MTMR3: variants seen among roughly 807,000 people sequenced by gnomAD.
MTMR3 encodes phosphatidylinositol-3,5-bisphosphate 3-phosphatase MTMR3.
Under a neutral mutation model 132.4 loss-of-function variants are expected in MTMR3, and 32 were observed. The ratio of observed to expected loss-of-function variants is 0.24; its 90% CI spans 0.18 to 0.32. The LOEUF (loss-of-function observed/expected upper bound fraction) is 0.32, where lower values mean the gene tolerates loss of function less well. Ranked by LOEUF, MTMR3 falls within the 10% of genes least tolerant of loss-of-function variation. MTMR3 has a pLI of 1.00. For synonymous variants in MTMR3, 556 were observed against 550.3 expected (o/e 1.01, Z -0.14); for missense variants, 1,216 against 1,489.6 (o/e 0.82, Z 3.02).
At chr22:30,003,710 A>G (rs2067220636) in intron 9 of MTMR3, 1 of 152,222 alleles carries the variant, frequency 6.6e-6, no homozygotes, top group African/African-American at 2.4e-5. Context: ...GAGGGGCTAT[A>G]AACACTGAGC....
At position 29,970,961 on chromosome 22, in the gene MTMR3, C is replaced by A; in HGVS notation, c.-84-15C>A. 27 of 280,160 alleles carry A rather than the reference C, an allele frequency of 9.6e-5. No individual in the cohort carries two copies. Among genetic ancestry groups the A allele is most frequent in the Non-Finnish European group, 1.5e-4 (21 of 137,384 alleles). 17.4% of individuals were successfully genotyped at this position (280,160 alleles called of 1,614,324 possible). On this transcript the variant is annotated splice_polypyrimidine_tract_variant and intron_variant, in intron 2 of 19. Coordinates refer to ENST00000401950, the MANE Select transcript of MTMR3 (RefSeq NM_021090.4). ...TTTTTTTTTTCTTCTTCCCCCTCTT[C>A]CCCCCCACCCCCAGACTTCACCATA...
chr22:29,972,646 C>T lies in MTMR3; in HGVS notation c.3+1584C>T, dbSNP rs529810484. 2.0e-5 allele frequency among the ~76,000 whole-genome samples: 3 copies of T among 152,324 alleles called. No homozygotes were observed. The East Asian group carries it at 5.8e-4, about 29-fold the overall frequency. ...AGTGCAGTGGTGCGATCTCGGCTCA[C>T]TGCAACCTCCACCTACTGGGTTCAA... On this transcript the variant is annotated intron_variant, in intron 3 of 19. Transcript: ENST00000401950.
At chr22:29,941,520 C>T (rs892643914) in intron 1 of MTMR3, among the ~76,000 whole-genome samples, 5 of 151,890 alleles carry the variant, frequency 3.3e-5, no homozygotes, top group East Asian at 2.0e-4. Flanking sequence ...TTACACTTTA[C>T]GAGCCGTGTA....
intron 12 of MTMR3, 112 bp downstream of exon 12, chr22:30,009,241 T>TC: frequency 1.4e-6 from 1 of 727,786 alleles, no homozygotes; most frequent in South Asian, 1.8e-5. Context: ...GAGCAGTCTT[T>TC]CCTTCTGTTT....
At chr22:29,928,369 A>C (rs967347302) in intron 1 of MTMR3, among the ~76,000 whole-genome samples, 1 of 151,678 alleles carries the variant, frequency 6.6e-6, no homozygotes, top group African/African-American at 2.4e-5. Flanking sequence ...ACGGGGTTTC[A>C]TCATATTGGC....
At chr22:29,913,681 T>C (rs1373371042) in intron 1 of MTMR3, among the ~76,000 whole-genome samples, 7 of 152,166 alleles carry the variant, frequency 4.6e-5, no homozygotes. Context: ...GTCCATTGTA[T>C]GGATATTCCA....
chr22:30,018,236 G>A (rs746939698), intron 16 of MTMR3, 164 bp downstream of exon 16: 38 of 731,598 alleles, frequency 5.2e-5, no homozygotes, highest in African/African-American at 4.0e-4. Context: ...TCTGAGCTAC[G>A]AGGCTGTAAG....
At chr22:29,896,850 A>G (rs989601174) in intron 1 of MTMR3, among the ~76,000 whole-genome samples, 1 of 131,708 alleles carries the variant, frequency 7.6e-6, no homozygotes, top group African/African-American at 2.9e-5. Context: ...ATTTTATAGT[A>G]CAGAATAACA....
At chr22:30,012,706 T>G in intron 13 of MTMR3, 143 bp downstream of exon 13, 1 of 856,430 alleles carries the variant, frequency 1.2e-6, no homozygotes, top group Non-Finnish European at 1.8e-6. Context: ...TGCCATGAGC[T>G]AAATTGTGGT....
Position 29,988,638 on chromosome 22 carries a change from A to T in MTMR3, c.293+76A>T, listed in dbSNP as rs918911237. On this transcript the variant is annotated intron_variant, in intron 6 of 19. Coordinates refer to ENST00000401950, the MANE Select transcript of MTMR3 (RefSeq NM_021090.4). The stretch of plus-strand genomic sequence containing the variant: ...TAAAGAATGGGTCCATTATTTGGTA[A>T]CTTAGTAAAATACCTTTTGATGATT... 3 of 1,106,824 alleles carry T rather than the reference A, an allele frequency of 2.7e-6. No homozygotes were observed. In the African/African-American group the frequency reaches 4.7e-5, roughly 17 times the overall value. The allele number at this position is 1,106,824 out of a possible 1,614,324, so 68.6% of individuals were successfully genotyped here. A position where few individuals can be genotyped will look rare whatever the true frequency, so the allele number is the denominator to read the frequency against.
intron 8 of MTMR3, chr22:30,002,579 ATAGT>A (rs2067198560): frequency 4.4e-6 from 1 of 225,358 alleles, no homozygotes; most frequent in Non-Finnish European, 8.8e-6. Context: ...TTTTTCATTG[ATAGT>A]TAAGATTGCC....
intron 1 of MTMR3, among the ~76,000 whole-genome samples, chr22:29,928,364 G>A (rs1022491038): frequency 2.6e-5 from 4 of 151,706 alleles, no homozygotes; most frequent in Admixed American, 2.0e-4. Flanking sequence ...TAGAGACGGG[G>A]TTTCATCATA....
intron 3 of MTMR3, among the ~76,000 whole-genome samples, chr22:29,974,886 A>C (rs1199281408): frequency 2.0e-5 from 3 of 152,150 alleles, no homozygotes; most frequent in Non-Finnish European, 4.4e-5. Context: ...GCTCCCCTCC[A>C]TGTTTACATA....
At chr22:29,972,305 A>C (rs2066551310) in intron 3 of MTMR3, among the ~76,000 whole-genome samples, 1 of 152,140 alleles carries the variant, frequency 6.6e-6, no homozygotes, top group African/African-American at 2.4e-5. Flanking sequence ...TTTGTCCTTC[A>C]TTGTATACCA....
chr22:29,892,025 C>T (rs1468680419), intron 1 of MTMR3, among the ~76,000 whole-genome samples: 3 of 151,918 alleles, frequency 2.0e-5, no homozygotes, highest in Non-Finnish European at 2.9e-5. Context: ...TGGTGGCACG[C>T]GCCTGTAGTT....
At chr22:29,998,188 G>A (rs890763421) in intron 7 of MTMR3, 1 of 152,258 alleles carries the variant, frequency 6.6e-6, no homozygotes, top group Non-Finnish European at 1.5e-5. Context: ...AATGAGCTCA[G>A]TGATACTGTT....
Position 29,991,545 on chromosome 22 carries a change from A to G in MTMR3, c.335A>G (p.Lys112Arg), listed in dbSNP as rs2066960975. 2 of 1,613,938 alleles carry G rather than the reference A, an allele frequency of 1.2e-6. No individual in the cohort carries two copies. The highest frequency in any genetic ancestry group is 1.7e-6 in the Non-Finnish European group (2 of 1,179,978). ...TTTGAGCAGTGTCAAGAGTGGCTGA[A>G]GAGACTGAACAACGCAATCCGACCA... ...STFEQCQEWL[K>R]RLNNAIRPPA... Residue 112 changes from lysine to arginine, a missense_variant, in exon 7 of 20, where the codon AAG becomes AGG. Physicochemically the swap from Lys to Arg is conservative, Grantham distance 26. Around this residue, in one of 7 missense-constraint regions of MTMR3, gnomAD observed 129 missense variants for 245.7 expected, o/e 0.53. Coordinates refer to ENST00000401950, the MANE Select transcript of MTMR3 (RefSeq NM_021090.4).
chr22:29,918,436 G>A (rs1390426350), intron 1 of MTMR3, among the ~76,000 whole-genome samples: 3 of 152,192 alleles, frequency 2.0e-5, no homozygotes, highest in Admixed American at 6.5e-5. Flanking sequence ...GCTCTCTGAA[G>A]CATTCCTTCT....
At chr22:29,956,522 C>T (rs1381357861) in intron 1 of MTMR3, among the ~76,000 whole-genome samples, 3 of 152,198 alleles carry the variant, frequency 2.0e-5, no homozygotes, top group Admixed American at 6.5e-5. Context: ...GCTGGGATTA[C>T]AGGTGTGAGC....
Sources: gnomAD v4.1 joint callset for allele counts (sites outside exome capture counted in the v4.1 genomes callset) on GRCh38, gnomAD v4.1.1 for gene constraint, gnomAD v4.1.1 regional missense constraint, MANE v1.5 for transcripts, NCBI Gene and HGNC (gene_info 2026-07-23, HGNC 2026-07-21) for gene names.